ZNF469: variants seen among roughly 807,000 people sequenced by gnomAD.
ZNF469 encodes zinc finger protein 469.
In ZNF469, 1 loss-of-function variant was observed where a neutral mutation model predicts 1.0. The ratio of observed to expected loss-of-function variants is 1.00; its 90% CI spans 0.35 to 4.73. The LOEUF is 4.73. Ranked by LOEUF, ZNF469 falls within the 30% of genes most tolerant of loss-of-function variation. The pLI, the probability that ZNF469 is intolerant of heterozygous loss-of-function variation, is 0.16. For synonymous variants in ZNF469, 2,703 were observed against 2,363.4 expected, an observed-to-expected ratio of 1.14 and a Z score of -4.17; for missense variants, 6,100 against 5,356.3, an observed-to-expected ratio of 1.14 and a Z score of -4.33.
At chr16:88,369,079 A>AG in the ZNF469 span, among the ~76,000 whole-genome samples, 2 of 109,026 alleles carry the variant, frequency 1.8e-5, no homozygotes, top group African/African-American at 1.0e-4. Flanking sequence ...ATTCTGTCTC[A>AG]AAAAAAAAAA....
the ZNF469 span, among the ~76,000 whole-genome samples, chr16:88,110,382 G>A: frequency 2.8e-4 from 43 of 152,400 alleles, no homozygotes; most frequent in South Asian, 8.9e-3. Flanking sequence ...TGAACTGGCT[G>A]CTGCCCAGCC....
chr16:88,394,662 C>A (rs1314349145), intron 1 of ZNF469, among the ~76,000 whole-genome samples: 1 of 152,204 alleles, frequency 6.6e-6, no homozygotes, highest in Admixed American at 6.5e-5. Flanking sequence ...TTGTCGAATG[C>A]TGGAGGTACC....
At chr16:88,191,703 T>C in the ZNF469 span, 7 of 152,248 alleles carry the variant, frequency 4.6e-5, no homozygotes, top group African/African-American at 1.4e-4. Context: ...TCTTCACTTC[T>C]TCATTCCCTG....
chr16:88,104,526 G>A, the ZNF469 span, among the ~76,000 whole-genome samples: 2 of 152,310 alleles, frequency 1.3e-5, no homozygotes. Context: ...GCCACACTCT[G>A]CTTCAGTCCT....
chr16:88,120,893 G>A, the ZNF469 span, among the ~76,000 whole-genome samples: 2 of 152,224 alleles, frequency 1.3e-5, no homozygotes, highest in Non-Finnish European at 2.9e-5. Flanking sequence ...CCTCACCCGA[G>A]GGTGGGAGGC....
In ZNF469 at chr16:88,405,838, C is replaced by T. The variant is rs1185457680; in HGVS notation, c.-191-18969C>T. ...CAGGCCAGAAACGCCTCCAGCCCTG[C>T]AGCTCTTGGCCTCAGAAGCGGAAAA... On this transcript the variant is annotated intron_variant, in intron 1 of 2. Coordinates refer to ENST00000565624, the MANE Select transcript of ZNF469 (RefSeq NM_001367624.2). Among the ~76,000 whole-genome samples the T allele has an allele frequency of 3.9e-5, 6 of 152,252 alleles. No homozygotes were observed. In the South Asian group the frequency reaches 1.2e-3, roughly 31 times the overall value.
chr16:88,206,195 G>A, the ZNF469 span, among the ~76,000 whole-genome samples: 1 of 152,234 alleles, frequency 6.6e-6, no homozygotes, highest in Admixed American at 6.5e-5. Flanking sequence ...GATAGGACTT[G>A]TTTTTCTTCA....
chr16:88,435,107 C>T lies in ZNF469; in HGVS notation c.7637C>T (p.Pro2546Leu), dbSNP rs1223908205. The change falls in exon 3 of 3, where the codon CCC (proline) becomes CTC (leucine). Residue 2546 changes from proline to leucine, a missense_variant. By Grantham distance (98) the Pro-to-Leu change is moderately conservative. Coordinates refer to ENST00000565624, the MANE Select transcript of ZNF469 (RefSeq NM_001367624.2). ...KERPNHSRGD[P>L]SHVTQPPPAQ... ...AGACCAAATCACTCACGGGGAGACC[C>T]CAGCCACGTCACCCAGCCACCGCCT... 1 of 1,550,360 alleles carries T rather than the reference C, an allele frequency of 6.5e-7. No homozygotes were observed. The highest frequency in any genetic ancestry group is 1.2e-5 in the South Asian group (1 of 84,054).
chr16:88,318,785 T>C, the ZNF469 span, among the ~76,000 whole-genome samples: 13 of 152,222 alleles, frequency 8.5e-5, no homozygotes, highest in Non-Finnish European at 1.6e-4. Context: ...AGGGAGTCTG[T>C]GCAGAAGGAC....
chr16:88,190,360 C>T, the ZNF469 span, among the ~76,000 whole-genome samples: 30 of 152,264 alleles, frequency 2.0e-4, no homozygotes, highest in South Asian at 6.2e-4. Context: ...CTTGCTCAGT[C>T]CCAGCACAGC....
the ZNF469 span, among the ~76,000 whole-genome samples, chr16:88,167,254 G>T: frequency 2.0e-5 from 3 of 151,922 alleles, no homozygotes; most frequent in Non-Finnish European, 4.4e-5. Context: ...TAGAGATGGG[G>T]TTTCACCATG....
chr16:88,360,588 A>C, the ZNF469 span, among the ~76,000 whole-genome samples: 1 of 109,234 alleles, frequency 9.2e-6, no homozygotes, highest in Admixed American at 9.5e-5. Context: ...CCTCGAAGGC[A>C]GTCCACCCCC....
At chr16:88,179,818 G>A in the ZNF469 span, among the ~76,000 whole-genome samples, 1 of 152,228 alleles carries the variant, frequency 6.6e-6, no homozygotes, top group African/African-American at 2.4e-5. Flanking sequence ...AGTGTATTGT[G>A]GGGTTTGTAA....
Position 88,436,601 on chromosome 16 carries a change from C to T in ZNF469, c.9131C>T (p.Thr3044Met), listed in dbSNP as rs273585626. 1.6e-4 allele frequency: 243 copies of T among 1,550,158 alleles called. No individual in the cohort carries two copies. The highest frequency in any genetic ancestry group is 2.0e-4 in the Non-Finnish European group (226 of 1,146,982). Residue 3044 changes from threonine (T) to methionine (M), a missense_variant, in exon 3 of 3, where the codon ACG becomes ATG. Transcript: ENST00000565624. ...ACCCACCTGCTGCCGCTCCGTGCCA[C>T]GGACTTTGAGGTGCTCAGCACCAAG... ...GNTHLLPLRA[T>M]DFEVLSTKFE...
chr16:88,122,386 A>C, the ZNF469 span, among the ~76,000 whole-genome samples: 2 of 143,186 alleles, frequency 1.4e-5, no homozygotes, highest in Non-Finnish European at 3.0e-5. Flanking sequence ...GCAGTCACTC[A>C]GATCACATCC....
chr16:88,316,630 T>C, the ZNF469 span, among the ~76,000 whole-genome samples: 1 of 144,528 alleles, frequency 6.9e-6, no homozygotes, highest in Non-Finnish European at 1.5e-5. Flanking sequence ...CACTGCAACC[T>C]CCACCTCTGG....
Position 88,433,698 on chromosome 16 carries a change from A to C in ZNF469, c.6228A>C (p.Arg2076=). 6.5e-7 allele frequency: 1 copy of C among 1,549,426 alleles called. No individual in the cohort carries two copies. The highest frequency in any genetic ancestry group is 8.7e-7 in the Non-Finnish European group (1 of 1,146,700). ...LALALTAAHS[R]SGSEGRTPER... ...TGGCCTTGACAGCAGCCCACAGCCG[A>C]AGTGGATCTGAGGGCCGGACTCCAG... The change falls in exon 3 of 3, where the codon CGA becomes CGC. Residue 2076 remains arginine (R), a synonymous_variant. Transcript: ENST00000565624.
At chr16:88,330,404 C>A in the ZNF469 span, among the ~76,000 whole-genome samples, 2 of 152,252 alleles carry the variant, frequency 1.3e-5, no homozygotes, top group South Asian at 4.1e-4. Context: ...TCTGAAAAGT[C>A]ATGCCCATTC....
the ZNF469 span, among the ~76,000 whole-genome samples, chr16:88,165,198 C>T: frequency 6.6e-6 from 1 of 152,232 alleles, no homozygotes; most frequent in Middle Eastern, 3.2e-3. Flanking sequence ...TGTCTGGCAT[C>T]ATGTGCATTT....
Sources: allele counts gnomAD v4.1 joint callset (sites outside exome capture counted in the v4.1 genomes callset), GRCh38; gene constraint gnomAD v4.1.1; transcripts MANE v1.5; gene names NCBI Gene and HGNC (gene_info 2026-07-23, HGNC 2026-07-21).